APBA1: variants seen among roughly 807,000 people sequenced by gnomAD.
APBA1 encodes amyloid-beta A4 precursor protein-binding family A member 1.
APBA1 carries 55 observed loss-of-function variants against 86.6 expected under a neutral mutation model. That is an observed-to-expected ratio of 0.64 (90% confidence interval 0.51 to 0.80). The LOEUF is 0.80. Among genes scored for constraint, APBA1 ranks in the 30% least tolerant of loss-of-function variants. The pLI is 0.00. For synonymous variants in APBA1, 511 were observed against 493.9 expected (o/e 1.03, Z -0.46); for missense variants, 1,090 against 1,183.0 (o/e 0.92, Z 1.15).
rs1836770011 is a variant in APBA1, at chr9:69,550,713, G to A, written c.-69-33434C>T. ...AAACATATCCTGTGAGCTCTGAGAAGTGCTGTAAAGAGAATAAACAAGGGT... is the reference window on the plus strand; with the variant it reads ...AAACATATCCTGTGAGCTCTGAGAAATGCTGTAAAGAGAATAAACAAGGGT... On this transcript the variant is annotated intron_variant, in intron 1 of 12. Transcript: ENST00000265381. Among the ~76,000 whole-genome samples, 5 of 152,318 alleles carry A rather than the reference G, an allele frequency of 3.3e-5. No homozygotes were observed. In the South Asian group the frequency reaches 8.3e-4, roughly 25 times the overall value.
At chr9:69,454,370 A>G (rs1475552102) in intron 8 of APBA1, among the ~76,000 whole-genome samples, 1 of 152,220 alleles carries the variant, frequency 6.6e-6, no homozygotes, top group Non-Finnish European at 1.5e-5. Flanking sequence ...CCTGATCATC[A>G]TTAGTGGATG....
chr9:69,435,184 T>C (rs1188466014), intron 11 of APBA1, among the ~76,000 whole-genome samples: 15 of 152,122 alleles, frequency 9.9e-5, no homozygotes, highest in Middle Eastern at 3.4e-3. Flanking sequence ...TTTCTTAATC[T>C]AGTCTATCAT....
rs375098251 is a variant in APBA1, at chr9:69,505,713, T to C, written c.1200+10298A>G. Among the ~76,000 whole-genome samples the C allele has an allele frequency of 2.0e-5, 3 of 152,158 alleles. No homozygotes were observed. The South Asian group carries it at 6.2e-4, about 32-fold the overall frequency. ...TGCCTATAGACAGATCAGTAGGCTG[T>C]GGATTTTCAGAACTGGTCTTCAGGC... On this transcript the variant is annotated intron_variant, in intron 2 of 12. Transcript: ENST00000265381.
At chr9:69,437,233 A>G (rs1392004510) in intron 11 of APBA1, among the ~76,000 whole-genome samples, 1 of 151,650 alleles carries the variant, frequency 6.6e-6, no homozygotes, top group Non-Finnish European at 1.5e-5. Context: ...TTGGTCTAAA[A>G]TTATCTTTTT....
In APBA1 at chr9:69,516,855, G is replaced by A; in HGVS notation, c.356C>T (p.Ala119Val). ...CTCGGCCTCGGGCCGGTACTGCACA[G>A]CATAGGCGCTCTCGTCCTCGGGGTC... ...AQDPEDESAYAVQYRPEAEEY... is the reference protein window; with the variant it reads ...AQDPEDESAYVVQYRPEAEEY... Residue 119 changes from alanine (A) to valine (V), a missense_variant, in exon 2 of 13, where the codon GCT (alanine) becomes GTT (valine). By Grantham distance (64) the Ala-to-Val change is moderately conservative. Around this residue, in one of 6 missense-constraint regions of APBA1, gnomAD observed 678 missense variants for 647.1 expected, o/e 1.05. Coordinates refer to ENST00000265381, the MANE Select transcript of APBA1 (RefSeq NM_001163.4). The surrounding 1 kb of genome is among the most constrained non-coding windows in gnomAD (Gnocchi z 7.3). 6.2e-7 allele frequency: 1 copy of A among 1,600,382 alleles called. No individual in the cohort carries two copies. The highest frequency in any genetic ancestry group is 1.1e-5 in the South Asian group (1 of 90,794).
chr9:69,514,398 C>T (rs1221547942), intron 2 of APBA1, among the ~76,000 whole-genome samples: 2 of 152,046 alleles, frequency 1.3e-5, no homozygotes, highest in Admixed American at 6.6e-5. Flanking sequence ...CAAGCCCAGC[C>T]TAGCCAACAT....
At chr9:69,662,802 T>G (rs990732154) in intron 1 of APBA1, among the ~76,000 whole-genome samples, 2 of 152,210 alleles carry the variant, frequency 1.3e-5, no homozygotes, top group Admixed American at 1.3e-4. Context: ...AAGGAGGTTG[T>G]GGCCCAGTGA....
At chr9:69,436,095 T>A (rs940304977) in intron 11 of APBA1, among the ~76,000 whole-genome samples, 3 of 150,446 alleles carry the variant, frequency 2.0e-5, no homozygotes, top group Non-Finnish European at 4.5e-5. Context: ...GTTGTAGATA[T>A]GTGGCATTAT....
chr9:69,626,007 A>T (rs1822921324), intron 1 of APBA1, among the ~76,000 whole-genome samples: 1 of 152,218 alleles, frequency 6.6e-6, no homozygotes, highest in Admixed American at 6.5e-5. Context: ...AGACTCAAAC[A>T]TTAACTACCA....
intron 1 of APBA1, among the ~76,000 whole-genome samples, chr9:69,597,222 A>G (rs1201367206): frequency 2.0e-5 from 3 of 152,144 alleles, no homozygotes; most frequent in Admixed American, 2.0e-4. Context: ...CTGGTGTGAG[A>G]TAGTATCTCA....
intron 1 of APBA1, among the ~76,000 whole-genome samples, chr9:69,556,475 T>C (rs756875874): frequency 2.6e-5 from 4 of 152,174 alleles, no homozygotes; most frequent in Admixed American, 1.3e-4. Flanking sequence ...CAACTTCCAC[T>C]GCAGTGAGAA....
At chr9:69,604,260 G>T (rs1302461653) in intron 1 of APBA1, among the ~76,000 whole-genome samples, 4 of 150,212 alleles carry the variant, frequency 2.7e-5, no homozygotes, top group Middle Eastern at 3.6e-3. Flanking sequence ...AAGTGGAGAG[G>T]CACACGGGTG....
rs771773966 is a variant in APBA1, at chr9:69,467,940, C to T, written c.1365G>A (p.Leu455=). The change falls in exon 5 of 13, where the codon TTG becomes TTA. Residue 455 remains leucine (L), a synonymous_variant. Transcript: ENST00000265381. ...TGGCGGCAAAAATGATTCCATCGAT[C>T]AAGTCTTCGGGGTCGCAGGGTCCCG... ...EVPGPCDPED[L]IDGIIFAANY... is the part of the protein sequence containing the mutation. The T allele has an allele frequency of 1.2e-6, 2 of 1,614,166 alleles. No homozygotes were observed. The highest frequency in any genetic ancestry group is 3.3e-5 in the Admixed American group (2 of 60,020).
intron 1 of APBA1, among the ~76,000 whole-genome samples, chr9:69,580,154 G>A (rs943885697): frequency 2.0e-5 from 3 of 152,128 alleles, no homozygotes; most frequent in Non-Finnish European, 4.4e-5. Flanking sequence ...TACCTGGATG[G>A]CCCACTGGTG....
chr9:69,490,800 G>A (rs1835696176), intron 2 of APBA1, among the ~76,000 whole-genome samples: 1 of 152,092 alleles, frequency 6.6e-6, no homozygotes, highest in East Asian at 1.9e-4. Flanking sequence ...CAAAGGATAT[G>A]AACAGACACA....
At chr9:69,550,114 A>G (rs148463149) in intron 1 of APBA1, among the ~76,000 whole-genome samples, 227 of 152,324 alleles carry the variant, frequency 1.5e-3, no homozygotes, top group Non-Finnish European at 9.3e-4. Flanking sequence ...TGGACCTTAT[A>G]ATCTTTTGGT....
At chr9:69,623,270 G>A (rs796391664) in intron 1 of APBA1, among the ~76,000 whole-genome samples, 2 of 152,028 alleles carry the variant, frequency 1.3e-5, no homozygotes, top group Non-Finnish European at 2.9e-5. Flanking sequence ...AATAGATAAG[G>A]GTGATTCTGC....
chr9:69,567,998 C>A (rs1015876643), intron 1 of APBA1, among the ~76,000 whole-genome samples: 12 of 152,138 alleles, frequency 7.9e-5, no homozygotes. Context: ...ATCACCACTC[C>A]CAAAAAGTAG....
Position 69,436,806 on chromosome 9 carries a change from A to C in APBA1, c.2302-4130T>G, listed in dbSNP as rs563480828. Among the ~76,000 whole-genome samples, 150 of 152,060 alleles carry C rather than the reference A, an allele frequency of 9.9e-4. 1 individual carries two copies. The highest frequency in any genetic ancestry group is 2.3e-3 in the African/African-American group (96 of 41,432). ...TAATTGCCCTGGCCAGAACTTCCAA[A>C]ACTATGTTGAATAGGAGTGGTGAGA... is the stretch of plus-strand genomic sequence containing the variant. On this transcript the variant is annotated intron_variant, in intron 11 of 12. Coordinates refer to ENST00000265381, the MANE Select transcript of APBA1 (RefSeq NM_001163.4).
Sources: allele counts gnomAD v4.1 joint callset (sites outside exome capture counted in the v4.1 genomes callset), GRCh38; gene constraint gnomAD v4.1.1; regional missense constraint gnomAD v4.1.1; non-coding constraint Gnocchi (gnomAD v3.1); transcripts MANE v1.5; gene names NCBI Gene and HGNC (gene_info 2026-07-23, HGNC 2026-07-21).